MANEA: variants seen among roughly 807,000 people sequenced by gnomAD.
MANEA encodes mannosidase endo-alpha, also known as glycoprotein endo-alpha-1,2-mannosidase.
MANEA carries 25 observed loss-of-function variants against 36.8 expected under a neutral mutation model. The ratio of observed to expected loss-of-function variants is 0.68; its 90% CI spans 0.50 to 0.95. The LOEUF (loss-of-function observed/expected upper bound fraction) is 0.95, where lower values mean the gene tolerates loss of function less well. MANEA is among the 40% of genes least tolerant of loss of function. The probability of loss-of-function intolerance (pLI) is 0.00; values close to 1 mark genes in which losing one functional copy is unlikely to be tolerated. For missense variants in MANEA, 565 were observed against 558.8 expected (o/e 1.01, Z -0.11); for synonymous variants, 198 against 188.5 (o/e 1.05, Z -0.41).
intron 3 of MANEA, among the ~76,000 whole-genome samples, chr6:95,600,377 G>A (rs990708222): frequency 1.3e-5 from 2 of 152,082 alleles, no homozygotes; most frequent in African/African-American, 4.8e-5. Context: ...GAGTAGCTCT[G>A]GAATCTTATA....
At chr6:95,587,436 G>A (rs549763038) in intron 2 of MANEA, 2 of 165,728 alleles carry the variant, frequency 1.2e-5, no homozygotes, top group South Asian at 1.8e-4. Context: ...GCTGAAAACT[G>A]TATACATATC....
At chr6:95,583,290 C>A (rs1428374364) in intron 1 of MANEA, among the ~76,000 whole-genome samples, 1 of 151,678 alleles carries the variant, frequency 6.6e-6, no homozygotes, top group Non-Finnish European at 1.5e-5. Context: ...ATATTGTTTC[C>A]CAAGAGTTTT....
chr6:95,599,410 C>CT (rs1345244690), intron 3 of MANEA, among the ~76,000 whole-genome samples: 32 of 107,776 alleles, frequency 3.0e-4, no homozygotes, highest in Admixed American at 2.9e-3. Flanking sequence ...GAGTGAGAGT[C>CT]TATCTCAAAA....
At chr6:95,583,875 T>G (rs1274799114) in intron 1 of MANEA, among the ~76,000 whole-genome samples, 1 of 152,216 alleles carries the variant, frequency 6.6e-6, no homozygotes, top group East Asian at 1.9e-4. Flanking sequence ...ATTCTTATGA[T>G]TTTAGCTGTT....
chr6:95,582,131 A>T (rs1401905548), intron 1 of MANEA, among the ~76,000 whole-genome samples: 1 of 149,316 alleles, frequency 6.7e-6, no homozygotes, highest in African/African-American at 2.5e-5. Flanking sequence ...TGAAAATTTC[A>T]GGACAACAAA....
At chr6:95,596,177 G>T (rs187814278) in intron 2 of MANEA, among the ~76,000 whole-genome samples, 1 of 152,038 alleles carries the variant, frequency 6.6e-6, no homozygotes, top group African/African-American at 2.4e-5. Context: ...TATTGGCAGG[G>T]GTGAGGGGGA....
chr6:95,604,700 G>A, intron 3 of MANEA, 127 bp from the exon 4 acceptor site: 1 of 444,998 alleles, frequency 2.2e-6, no homozygotes, highest in Non-Finnish European at 4.0e-6. Context: ...GGTAGTTTCT[G>A]TGTTCAATAA....
chr6:95,579,233 C>A (rs1269980686), intron 1 of MANEA, among the ~76,000 whole-genome samples: 1 of 152,098 alleles, frequency 6.6e-6, no homozygotes, highest in Non-Finnish European at 1.5e-5. Flanking sequence ...ATTAGCTGGG[C>A]GTCGTAGCGT....
At chr6:95,587,774 A>G (rs1402849237) in intron 2 of MANEA, among the ~76,000 whole-genome samples, 6 of 151,856 alleles carry the variant, frequency 4.0e-5, no homozygotes, top group Non-Finnish European at 8.8e-5. Context: ...ATGTCTGTTT[A>G]TTTCATTTAT....
At chr6:95,604,131 G>T (rs1001463415) in intron 3 of MANEA, among the ~76,000 whole-genome samples, 5 of 141,988 alleles carry the variant, frequency 3.5e-5, no homozygotes, top group African/African-American at 1.3e-4. Flanking sequence ...TAGGCATCAT[G>T]AAAAATGTCC....
At chr6:95,601,904 A>G (rs1237696494) in intron 3 of MANEA, among the ~76,000 whole-genome samples, 1 of 152,014 alleles carries the variant, frequency 6.6e-6, no homozygotes, top group Non-Finnish European at 1.5e-5. Flanking sequence ...TTCTTTGCAT[A>G]TGGCTCTAGA....
chr6:95,589,884 C>G (rs1230436934), intron 2 of MANEA: 1 of 152,016 alleles, frequency 6.6e-6, no homozygotes, highest in East Asian at 1.9e-4. Context: ...TGGCATTATC[C>G]TTCATTATTT....
intron 4 of MANEA, 21 bp from the exon 5 acceptor site, chr6:95,605,727 T>G: frequency 6.3e-7 from 1 of 1,576,268 alleles, no homozygotes; most frequent in Non-Finnish European, 8.7e-7. Context: ...CATTTCACTT[T>G]TATATATGCT....
rs1471087663 is a variant in MANEA, at chr6:95,606,144, A to G, written c.1128A>G (p.Arg376=). 1 of 1,614,084 alleles carries G rather than the reference A, an allele frequency of 6.2e-7. No individual in the cohort carries two copies. The change falls in exon 5 of 5, where the codon CGA becomes CGG. Residue 376 remains arginine, a synonymous_variant. Coordinates refer to ENST00000358812, the MANE Select transcript of MANEA (RefSeq NM_024641.4). ...GGAACACGCAAAACACTCGGAACCG[A>G]ATCAATGGGAAGTATTATGAAATTG... The part of the protein sequence containing the change: ...RPWNTQNTRN[R]INGKYYEIGL...
intron 4 of MANEA, 35 bp downstream of exon 4, chr6:95,604,938 T>C: frequency 1.3e-6 from 1 of 761,546 alleles, no homozygotes; most frequent in Non-Finnish European, 2.0e-6. Flanking sequence ...TATTGTTATA[T>C]TATCCAGTGA....
intron 2 of MANEA, among the ~76,000 whole-genome samples, chr6:95,587,977 T>TA (rs2127939912): frequency 6.6e-6 from 1 of 152,104 alleles, no homozygotes; most frequent in East Asian, 1.9e-4. Flanking sequence ...CTTTTTACAA[T>TA]ACGCCCCTTT....
intron 2 of MANEA, among the ~76,000 whole-genome samples, chr6:95,591,541 TC>T (rs1165798232): frequency 2.0e-5 from 3 of 152,140 alleles, no homozygotes; most frequent in Non-Finnish European, 2.9e-5. Flanking sequence ...TTAATTTTTT[TC>T]TTTTTTTCTT....
Position 95,599,436 on chromosome 6 carries a change from A to G in MANEA, c.654+2590A>G, listed in dbSNP as rs555126754. 3.0e-4 allele frequency among the ~76,000 whole-genome samples: 45 copies of G among 150,068 alleles called. 1 individual carries two copies. In the South Asian group the frequency reaches 9.3e-3, roughly 31 times the overall value. ...TATCTCAAAAAAAAAAAAAAAAGTG[A>G]TGTAGGTTCTTTTAACTAGAGACCA... On this transcript the variant is annotated intron_variant, in intron 3 of 4. Transcript: ENST00000358812.
Position 95,605,945 on chromosome 6 carries a change from A to G in MANEA, c.929A>G (p.Tyr310Cys). The G allele has an allele frequency of 6.2e-7, 1 of 1,613,936 alleles. No individual in the cohort carries two copies. The highest frequency in any genetic ancestry group is 8.5e-7 in the Non-Finnish European group (1 of 1,179,892). Residue 310 changes from tyrosine to cysteine, a missense_variant, in exon 5 of 5, where the codon TAT (tyrosine) becomes TGT (cysteine). Transcript: ENST00000358812. ...CTTCTGGTAGAAGAAAAACATAAGT[A>G]TGATATTCTTCAAAGTGGTTTTGAT... The part of the protein sequence containing the change: ...IALLVEEKHK[Y>C]DILQSGFDGI...
Sources: gnomAD v4.1 joint callset for allele counts (sites outside exome capture counted in the v4.1 genomes callset) on GRCh38, gnomAD v4.1.1 for gene constraint, MANE v1.5 for transcripts, NCBI Gene and HGNC (gene_info 2026-07-23, HGNC 2026-07-21) for gene names.